The following EPHA6 variants were observed in gnomAD, a reference collection of about 807,000 sequenced individuals.
The protein encoded by EPHA6 is ephrin type-A receptor 6.
Under a neutral mutation model 112.0 loss-of-function variants are expected in EPHA6, and 50 were observed. The observed-to-expected ratio is 0.45, with a 90% CI of 0.36 to 0.56. EPHA6 has a LOEUF of 0.56. Among genes scored for constraint, EPHA6 ranks in the 20% least tolerant of loss-of-function variants. EPHA6 has a pLI of 0.00. For missense variants in EPHA6, 1,280 were observed against 1,417.4 expected (o/e 0.90, Z 1.56); for synonymous variants, 529 against 490.7 (o/e 1.08, Z -1.03).
chr3:97,480,319 G>T (rs1324447464), intron 9 of EPHA6, among the ~76,000 whole-genome samples: 2 of 151,890 alleles, frequency 1.3e-5, no homozygotes, highest in South Asian at 2.1e-4. Context: ...GTGGAGGGAA[G>T]GTCAGCAGAT....
rs1441500477 is a variant in EPHA6 at position 97,391,602 on chromosome 3, G to A, written c.1607-13548G>A. On this transcript the variant is annotated intron_variant, in intron 5 of 17. Coordinates refer to ENST00000389672, the MANE Select transcript of EPHA6 (RefSeq NM_001080448.3). The stretch of plus-strand genomic sequence containing the variant: ...GAAAAGTGCGGTACAATATATTTGT[G>A]TATATTCTATAATATAAGGAGGAAT... Among the ~76,000 whole-genome samples, 10 of 151,876 alleles carry A rather than the reference G, an allele frequency of 6.6e-5. No individual in the cohort carries two copies. In the South Asian group the frequency reaches 8.3e-4, roughly 13 times the overall value.
chr3:97,572,286 G>A (rs1281201960), intron 11 of EPHA6, among the ~76,000 whole-genome samples: 2 of 151,728 alleles, frequency 1.3e-5, no homozygotes, highest in East Asian at 1.9e-4. Flanking sequence ...AAGTAGCTAG[G>A]ACTACAGGCG....
chr3:96,943,764 A>C (rs1274259968), intron 2 of EPHA6, among the ~76,000 whole-genome samples: 1 of 152,190 alleles, frequency 6.6e-6, no homozygotes, highest in African/African-American at 2.4e-5. Context: ...AGGCTGAGGC[A>C]GGAGGATTGC....
rs2047684052 is a variant in EPHA6, at chr3:97,110,269, T to C, written c.1115-115995T>C. Among the ~76,000 whole-genome samples the C allele has an allele frequency of 3.9e-5, 6 of 152,114 alleles. No individual in the cohort carries two copies. In the South Asian group the frequency reaches 1.2e-3, roughly 32 times the overall value. On this transcript the variant is annotated intron_variant, in intron 3 of 17. Transcript: ENST00000389672. ...GGTAATGATAGGGCCTCCATAATGG[T>C]AATTTACCATTTACATAACTCTCTT...
At chr3:97,503,289 C>T (rs916051313) in intron 10 of EPHA6, among the ~76,000 whole-genome samples, 20 of 152,054 alleles carry the variant, frequency 1.3e-4, no homozygotes, top group Admixed American at 5.2e-4. Context: ...GAAAGTTTTA[C>T]GGAACACATA....
At chr3:96,945,921 A>G (rs149266209) in intron 2 of EPHA6, among the ~76,000 whole-genome samples, 135 of 152,220 alleles carry the variant, frequency 8.9e-4, no homozygotes, top group African/African-American at 3.1e-3. Context: ...TTAAAATACC[A>G]TGTGTCTACC....
intron 3 of EPHA6, among the ~76,000 whole-genome samples, chr3:97,140,805 T>A (rs890025474): frequency 6.6e-6 from 1 of 152,144 alleles, no homozygotes; most frequent in Non-Finnish European, 1.5e-5. Context: ...AACATTATGA[T>A]AGGTACAAAA....
At chr3:97,252,402 C>G (rs1196745569) in intron 5 of EPHA6, among the ~76,000 whole-genome samples, 2 of 152,162 alleles carry the variant, frequency 1.3e-5, no homozygotes, top group African/African-American at 4.8e-5. Flanking sequence ...CAGCTACACA[C>G]ACACACTCAC....
At chr3:97,149,988 T>G (rs1370892395) in intron 3 of EPHA6, among the ~76,000 whole-genome samples, 1 of 151,986 alleles carries the variant, frequency 6.6e-6, no homozygotes, top group Admixed American at 6.6e-5. Flanking sequence ...ACTCCCATCC[T>G]TGAGAAAAGT....
chr3:97,340,262 C>A (rs2083240608), intron 5 of EPHA6, among the ~76,000 whole-genome samples: 1 of 152,132 alleles, frequency 6.6e-6, no homozygotes, highest in Admixed American at 6.5e-5. Context: ...TGTACTCCCA[C>A]AACCACCCGT....
At chr3:97,074,228 G>T (rs1215686153) in intron 3 of EPHA6, among the ~76,000 whole-genome samples, 1 of 151,748 alleles carries the variant, frequency 6.6e-6, no homozygotes, top group Non-Finnish European at 1.5e-5. Flanking sequence ...CAACATACTT[G>T]CATTGACACT....
chr3:97,327,961 G>GTA (rs1278428283), intron 5 of EPHA6, among the ~76,000 whole-genome samples: 3 of 101,348 alleles, frequency 3.0e-5, no homozygotes, highest in Non-Finnish European at 4.7e-5. Context: ...GTATCTGTGT[G>GTA]TATATATATG....
chr3:97,041,151 A>G (rs1376567013), intron 3 of EPHA6, among the ~76,000 whole-genome samples: 1 of 152,156 alleles, frequency 6.6e-6, no homozygotes, highest in East Asian at 1.9e-4. Context: ...AAAAACAACG[A>G]AATCAATTAT....
At chr3:96,820,248 A>T (rs2033145721) in intron 1 of EPHA6, among the ~76,000 whole-genome samples, 1 of 152,136 alleles carries the variant, frequency 6.6e-6, no homozygotes, top group Non-Finnish European at 1.5e-5. Context: ...AAGAAACTGA[A>T]TTTTTATATT....
At chr3:96,820,023 A>G (rs2033127586) in intron 1 of EPHA6, among the ~76,000 whole-genome samples, 1 of 152,212 alleles carries the variant, frequency 6.6e-6, no homozygotes, top group East Asian at 1.9e-4. Context: ...ATTCTCAGGG[A>G]AGAGAAAGAG....
At chr3:97,210,821 T>C (rs1231092986) in intron 3 of EPHA6, among the ~76,000 whole-genome samples, 1 of 152,212 alleles carries the variant, frequency 6.6e-6, no homozygotes, top group Non-Finnish European at 1.5e-5. Flanking sequence ...AGCTCATCTC[T>C]GCCCCATGCA....
At chr3:96,872,314 C>T (rs1223522090) in intron 2 of EPHA6, among the ~76,000 whole-genome samples, 2 of 151,984 alleles carry the variant, frequency 1.3e-5, no homozygotes, top group Admixed American at 1.3e-4. Flanking sequence ...TCATGATTGC[C>T]TGGAGATCTC....
chr3:97,376,439 C>T (rs967797871), intron 5 of EPHA6, among the ~76,000 whole-genome samples: 8 of 151,944 alleles, frequency 5.3e-5, no homozygotes, highest in South Asian at 2.1e-4. Context: ...AAATCACATA[C>T]GAAAACAAAA....
intron 10 of EPHA6, among the ~76,000 whole-genome samples, chr3:97,518,235 G>A (rs940228507): frequency 1.1e-4 from 17 of 152,110 alleles, no homozygotes; most frequent in African/African-American, 7.2e-5. Context: ...CTTTCTGCAC[G>A]CTCTCATGAA....
Sources: gnomAD v4.1 joint callset for allele counts (sites outside exome capture counted in the v4.1 genomes callset) on GRCh38, gnomAD v4.1.1 for gene constraint, MANE v1.5 for transcripts, NCBI Gene and HGNC (gene_info 2026-07-23, HGNC 2026-07-21) for gene names.